The following CDH9 variants were observed in gnomAD, a reference collection of about 807,000 sequenced individuals.
The protein encoded by CDH9 is cadherin-9.
CDH9 carries 28 observed loss-of-function variants against 70.9 expected under a neutral mutation model. The ratio of observed to expected loss-of-function variants is 0.40; its 90% CI spans 0.29 to 0.54. The LOEUF (loss-of-function observed/expected upper bound fraction) is 0.54. Among genes scored for constraint, CDH9 ranks in the 20% least tolerant of loss-of-function variants. CDH9 has a pLI of 0.59. For synonymous variants in CDH9, 409 were observed against 343.1 expected (o/e 1.19, Z -2.12); for missense variants, 874 against 984.4 (o/e 0.89, Z 1.50).
At chr5:26,999,335 G>T (rs1260403134) in intron 1 of CDH9, among the ~76,000 whole-genome samples, 1 of 152,124 alleles carries the variant, frequency 6.6e-6, no homozygotes, top group Admixed American at 6.6e-5. Flanking sequence ...CATATGCAAT[G>T]ACTTCTCTTC....
intron 9 of CDH9, 59 bp from the exon 10 acceptor site, chr5:26,886,142 A>C: frequency 2.0e-6 from 3 of 1,514,672 alleles, no homozygotes; most frequent in Non-Finnish European, 2.7e-6. Context: ...TTGTTATTAC[A>C]AGATATCTTA....
chr5:26,941,734 T>C (rs1454801504), intron 2 of CDH9, among the ~76,000 whole-genome samples: 2 of 152,170 alleles, frequency 1.3e-5, no homozygotes, highest in Non-Finnish European at 2.9e-5. Context: ...TAGCTTTGAA[T>C]GACTAGATAG....
At chr5:26,890,798 A>T (rs1579664669) in intron 7 of CDH9, 1 of 390,618 alleles carries the variant, frequency 2.6e-6, no homozygotes, top group East Asian at 4.2e-5. Context: ...ATTTATACAC[A>T]TGAATCTGGA....
chr5:26,880,987 T>C lies in CDH9; in HGVS notation c.*149A>G. ...TTCGTATTCATTCACAAAGACTTACTGATTAAGCAAATCCCTACTTGACAA... is the reference window on the plus strand; with the variant it reads ...TTCGTATTCATTCACAAAGACTTACCGATTAAGCAAATCCCTACTTGACAA... On this transcript the variant is annotated 3_prime_UTR_variant, in exon 12 of 12. Transcript: ENST00000231021. 1 of 643,484 alleles carries C rather than the reference T, an allele frequency of 1.6e-6. No individual in the cohort carries two copies. Among genetic ancestry groups the C allele is most frequent in the Non-Finnish European group, 2.6e-6 (1 of 382,100 alleles). 39.9% of individuals were successfully genotyped at this position (643,484 alleles called of 1,614,324 possible).
intron 7 of CDH9, among the ~76,000 whole-genome samples, chr5:26,894,182 C>A (rs1740708019): frequency 6.6e-6 from 1 of 152,042 alleles, no homozygotes; most frequent in Non-Finnish European, 1.5e-5. Flanking sequence ...AATAGTTAAC[C>A]ATTACCTGCT....
chr5:26,999,242 AAAATAAAAAT>A (rs1742722886), intron 1 of CDH9, among the ~76,000 whole-genome samples: 1 of 152,130 alleles, frequency 6.6e-6, no homozygotes, highest in Non-Finnish European at 1.5e-5. Flanking sequence ...CGTCTAAAAA[AAAATAAAAAT>A]AAATAAAAAT....
intron 2 of CDH9, among the ~76,000 whole-genome samples, chr5:26,978,091 G>T (rs1742333068): frequency 6.6e-6 from 1 of 151,846 alleles, no homozygotes; most frequent in African/African-American, 2.4e-5. Context: ...CAAGATAATA[G>T]AATTTCTGTA....
intron 7 of CDH9, among the ~76,000 whole-genome samples, chr5:26,898,195 C>T (rs929310012): frequency 2.0e-5 from 3 of 152,104 alleles, no homozygotes; most frequent in Admixed American, 6.6e-5. Context: ...AAGGAAAAAA[C>T]GTTCCATGCT....
intron 7 of CDH9, among the ~76,000 whole-genome samples, chr5:26,893,042 A>G (rs1740688510): frequency 6.6e-6 from 1 of 152,102 alleles, no homozygotes. Flanking sequence ...CAGTATTGGC[A>G]ATTTTTAAAT....
At chr5:26,952,819 AAG>A (rs1406754139) in intron 2 of CDH9, among the ~76,000 whole-genome samples, 1 of 150,744 alleles carries the variant, frequency 6.6e-6, no homozygotes, top group African/African-American at 2.4e-5. Flanking sequence ...TAAGAAAAGG[AAG>A]AGAGACCTGA....
chr5:27,003,975 C>T (rs1057244803), intron 1 of CDH9, among the ~76,000 whole-genome samples: 1 of 151,770 alleles, frequency 6.6e-6, no homozygotes, highest in African/African-American at 2.4e-5. Flanking sequence ...TATGTACTAG[C>T]TTCTCAGTTT....
chr5:26,935,263 A>T (rs1741539510), intron 2 of CDH9, among the ~76,000 whole-genome samples: 1 of 152,194 alleles, frequency 6.6e-6, no homozygotes, highest in Non-Finnish European at 1.5e-5. Flanking sequence ...CATCTACAAA[A>T]ATTTGTACAG....
chr5:26,986,243 G>A (rs1742485947), intron 2 of CDH9, among the ~76,000 whole-genome samples: 1 of 151,764 alleles, frequency 6.6e-6, no homozygotes, highest in Non-Finnish European at 1.5e-5. Flanking sequence ...TTCCATTTGT[G>A]GTTCATAACC....
intron 1 of CDH9, among the ~76,000 whole-genome samples, chr5:26,994,002 T>A (rs1180596729): frequency 6.6e-6 from 1 of 152,084 alleles, no homozygotes; most frequent in Non-Finnish European, 1.5e-5. Flanking sequence ...CCTTGTTGGG[T>A]TTTAAACTTG....
intron 2 of CDH9, among the ~76,000 whole-genome samples, chr5:26,944,465 A>G (rs1225154470): frequency 2.0e-5 from 3 of 152,058 alleles, no homozygotes; most frequent in Non-Finnish European, 2.9e-5. Flanking sequence ...AGCCTGGAAA[A>G]CATAGAAGAC....
chr5:26,921,772 A>G (rs539626431), intron 2 of CDH9, among the ~76,000 whole-genome samples: 11 of 152,214 alleles, frequency 7.2e-5, no homozygotes, highest in African/African-American at 2.6e-4. Flanking sequence ...CTTCCAAGTG[A>G]GTCTAAGAAC....
At chr5:26,924,701 C>T (rs888783752) in intron 2 of CDH9, among the ~76,000 whole-genome samples, 1 of 151,938 alleles carries the variant, frequency 6.6e-6, no homozygotes, top group East Asian at 1.9e-4. Flanking sequence ...ATTCCTACCC[C>T]AGCCGCCCAT....
chr5:27,028,992 G>T (rs1022002645), intron 1 of CDH9, among the ~76,000 whole-genome samples: 1 of 151,826 alleles, frequency 6.6e-6, no homozygotes, highest in Non-Finnish European at 1.5e-5. Flanking sequence ...TGGCAAAAGA[G>T]GTATTAATTT....
chr5:26,974,115 G>T (rs940341185), intron 2 of CDH9, among the ~76,000 whole-genome samples: 29 of 151,984 alleles, frequency 1.9e-4, no homozygotes, highest in African/African-American at 6.5e-4. Context: ...ATGATAGTGG[G>T]TGCCTGTATT....
Sources: allele counts gnomAD v4.1 joint callset (sites outside exome capture counted in the v4.1 genomes callset), GRCh38; gene constraint gnomAD v4.1.1; transcripts MANE v1.5; gene names NCBI Gene and HGNC (gene_info 2026-07-23, HGNC 2026-07-21).